The following N4BP2L1 variants were observed in gnomAD, a reference collection of about 807,000 sequenced individuals.
N4BP2L1 encodes the protein NEDD4 binding protein 2 like 1.
Under a neutral mutation model 21.2 loss-of-function variants are expected in N4BP2L1, and 12 were observed. That is an observed-to-expected ratio of 0.57 (90% CI 0.36 to 0.92). The LOEUF is 0.92. N4BP2L1 is among the 40% of genes least tolerant of loss of function. The pLI, the probability that N4BP2L1 is intolerant of heterozygous loss-of-function variation, is 0.01. For synonymous variants in N4BP2L1, 104 were observed against 112.8 expected, an observed-to-expected ratio of 0.92 and a Z score of 0.49; for missense variants, 259 against 310.6, an observed-to-expected ratio of 0.83 and a Z score of 1.25.
At chr13:32,404,250 T>G in intron 4 of N4BP2L1, 71 bp downstream of exon 4, 1 of 1,588,566 alleles carries the variant, frequency 6.3e-7, no homozygotes, top group Non-Finnish European at 8.6e-7. Context: ...CTGAAAAGAT[T>G]CTTTTGTTCG....
chr13:32,412,662 T>C (rs1167750851), intron 1 of N4BP2L1, among the ~76,000 whole-genome samples: 1 of 148,688 alleles, frequency 6.7e-6, no homozygotes, highest in Non-Finnish European at 1.5e-5. Flanking sequence ...AAAAAAAAGA[T>C]AAACTCCATA....
At chr13:32,428,149 G>T (rs541829348), upstream of N4BP2L1, 159 of 1,369,734 alleles carry the variant, frequency 1.2e-4, 1 homozygote, top group South Asian at 2.8e-3. Flanking sequence ...GGCCAAAGCT[G>T]TTGTTTTTGT....
Position 32,401,499 on chromosome 13 carries a change from T to C in N4BP2L1, c.*1443A>G, listed in dbSNP as rs906554162. ...GTAGTCATGGAGATGTCGAGCAGGTTTCAGTAGTGTCAGATAACGTTAAAA... is the reference window on the plus strand; with the variant it reads ...GTAGTCATGGAGATGTCGAGCAGGTCTCAGTAGTGTCAGATAACGTTAAAA... On this transcript the variant is annotated 3_prime_UTR_variant, in exon 5 of 5. Coordinates refer to ENST00000380130, the MANE Select transcript of N4BP2L1 (RefSeq NM_052818.3). 1.3e-5 allele frequency: 2 copies of C among 152,144 alleles called. No homozygotes were observed. The highest frequency in any genetic ancestry group is 4.8e-5 in the African/African-American group (2 of 41,430). 9.4% of individuals were successfully genotyped at this position (152,144 alleles called of 1,614,324 possible). A position where few individuals can be genotyped will look rare whatever the true frequency, so the allele number is the denominator to read the frequency against.
rs548617623 is a variant in N4BP2L1, at chr13:32,426,712, C to A, written c.179+1192G>T. Among the ~76,000 whole-genome samples, 15 of 152,214 alleles carry A rather than the reference C, an allele frequency of 9.9e-5. No homozygotes were observed. The East Asian group carries it at 1.7e-3, about 18-fold the overall frequency. ...TTATCTCTCCAGTGAGACGGGAAGC[C>A]CTTTGAGGGAAAGGGACCACTTCCT... On this transcript the variant is annotated intron_variant, in intron 1 of 4. Transcript: ENST00000380130.
At chr13:32,410,313 C>T (rs891115519) in intron 1 of N4BP2L1, among the ~76,000 whole-genome samples, 22 of 152,352 alleles carry the variant, frequency 1.4e-4, no homozygotes, top group Middle Eastern at 6.8e-3. Context: ...GGTCTCTTCA[C>T]AGACCGCGGT....
Position 32,403,112 on chromosome 13 carries a change from C to T in N4BP2L1, c.562G>A (p.Ala188Thr). The change falls in exon 5 of 5, where the codon GCA (alanine) becomes ACA (threonine). Residue 188 changes from alanine (A) to threonine (T), a missense_variant. Physicochemically the swap from Ala to Thr is moderately conservative, Grantham distance 58. Around this residue, in one of 3 missense-constraint regions of N4BP2L1, gnomAD observed 108 missense variants for 107.8 expected, o/e 1.00. Coordinates refer to ENST00000380130, the MANE Select transcript of N4BP2L1 (RefSeq NM_052818.3). Reference sequence around the variant, plus strand: ...CTGTTCATTCTGCTTGGCTTTTCTGCATGAAGCACACTGTGAAAAGTAACA... The same window carrying T: ...CTGTTCATTCTGCTTGGCTTTTCTGTATGAAGCACACTGTGAAAAGTAACA... ...HDVTFHSVLH[A>T]EKPSRMNRNQ... 2 of 1,614,106 alleles carry T rather than the reference C, an allele frequency of 1.2e-6. No homozygotes were observed. Among genetic ancestry groups the T allele is most frequent in the South Asian group, 2.2e-5 (2 of 91,080 alleles).
intron 1 of N4BP2L1, among the ~76,000 whole-genome samples, chr13:32,413,332 C>A (rs1027645608): frequency 6.6e-6 from 1 of 152,180 alleles, no homozygotes; most frequent in Admixed American, 6.5e-5. Flanking sequence ...TGGTTAACGT[C>A]TTTGAATCTA....
At chr13:32,416,328 C>A (rs749378177) in intron 1 of N4BP2L1, among the ~76,000 whole-genome samples, 1 of 152,200 alleles carries the variant, frequency 6.6e-6, no homozygotes, top group African/African-American at 2.4e-5. Context: ...TTAGGGCCAA[C>A]GAGTGGTACA....
At chr13:32,403,251 A>G (rs1237687582) in intron 4 of N4BP2L1, 51 bp from the exon 5 acceptor site, 1 of 1,529,224 alleles carries the variant, frequency 6.5e-7, no homozygotes. Context: ...ACAATGAGTT[A>G]CTTATATTTT....
intron 1 of N4BP2L1, among the ~76,000 whole-genome samples, chr13:32,418,760 T>A (rs1422773173): frequency 6.6e-6 from 1 of 152,180 alleles, no homozygotes; most frequent in African/African-American, 2.4e-5. Context: ...ATATGAGACA[T>A]GGAGTCAAAG....
chr13:32,419,163 C>T lies in N4BP2L1; in HGVS notation c.179+8741G>A, dbSNP rs540761000. 1.6e-4 allele frequency among the ~76,000 whole-genome samples: 24 copies of T among 151,950 alleles called. No individual in the cohort carries two copies. In the South Asian group the frequency reaches 3.3e-3, roughly 21 times the overall value. On this transcript the variant is annotated intron_variant, in intron 1 of 4. Transcript: ENST00000380130. ...ATCCCCACGTCATGGGAATTACCTC[C>T]GATGGGAGGTAACTGAATCATGGGA...
At chr13:32,409,033 T>G (rs1191015256) in intron 1 of N4BP2L1, among the ~76,000 whole-genome samples, 2 of 152,174 alleles carry the variant, frequency 1.3e-5, no homozygotes, top group Non-Finnish European at 2.9e-5. Flanking sequence ...TTGTACCCAG[T>G]AAGGCACTTT....
Position 32,402,508 on chromosome 13 carries a change from T to A in N4BP2L1, c.*434A>T, listed in dbSNP as rs61946985. 1.2e-6 allele frequency: 1 copy of A among 857,018 alleles called. No individual in the cohort carries two copies. The highest frequency in any genetic ancestry group is 1.3e-6 in the Non-Finnish European group (1 of 766,152). 53.1% of individuals were successfully genotyped at this position (857,018 alleles called of 1,614,324 possible). ...TATCAAAGTAGCAATGGCACTTTGA[T>A]AAGTAGCAATGCCCCCCCACCACTT... On this transcript the variant is annotated 3_prime_UTR_variant, in exon 5 of 5. Transcript: ENST00000380130.
In N4BP2L1 at chr13:32,401,399, A is replaced by G. The variant is rs983419073; in HGVS notation, c.*1543T>C. 3 of 152,184 alleles carry G rather than the reference A, an allele frequency of 2.0e-5. No homozygotes were observed. Among genetic ancestry groups the G allele is most frequent in the Admixed American group, 6.5e-5 (1 of 15,280 alleles). 9.4% of individuals were successfully genotyped at this position (152,184 alleles called of 1,614,324 possible). A position where few individuals can be genotyped will look rare whatever the true frequency, so the allele number is the denominator to read the frequency against. On this transcript the variant is annotated 3_prime_UTR_variant, in exon 5 of 5. Coordinates refer to ENST00000380130, the MANE Select transcript of N4BP2L1 (RefSeq NM_052818.3). Reference sequence around the variant, plus strand: ...CACCTTAGATTCATTGGGATTTACTATTGTCAGCCAAACTTACTCAAAGGA... The same window carrying G: ...CACCTTAGATTCATTGGGATTTACTGTTGTCAGCCAAACTTACTCAAAGGA...
chr13:32,404,131 A>G (rs2073324008), intron 4 of N4BP2L1, 190 bp downstream of exon 4: 4 of 1,595,938 alleles, frequency 2.5e-6, no homozygotes, highest in Admixed American at 1.7e-5. Context: ...ATTTAGCATT[A>G]TATTAGAAAA....
intron 1 of N4BP2L1, among the ~76,000 whole-genome samples, chr13:32,426,622 C>A (rs974881570): frequency 6.6e-6 from 1 of 152,202 alleles, no homozygotes; most frequent in Non-Finnish European, 1.5e-5. Context: ...TCGGCACCAT[C>A]GAAATCCGCA....
chr13:32,421,896 C>T (rs1303721885), intron 1 of N4BP2L1, among the ~76,000 whole-genome samples: 2 of 152,052 alleles, frequency 1.3e-5, no homozygotes, highest in Non-Finnish European at 2.9e-5. Context: ...ACTGAGTGGC[C>T]ATAGGCGGGT....
intron 1 of N4BP2L1, among the ~76,000 whole-genome samples, chr13:32,423,699 T>C (rs748268864): frequency 3.3e-4 from 50 of 152,154 alleles, no homozygotes; most frequent in Non-Finnish European, 6.2e-4. Flanking sequence ...AAATACCATA[T>C]GATCCACTTA....
At chr13:32,424,843 C>T (rs2074675811) in intron 1 of N4BP2L1, 1 of 152,116 alleles carries the variant, frequency 6.6e-6, no homozygotes, top group South Asian at 2.1e-4. Flanking sequence ...GATGTTTTTC[C>T]ACATTCCATC....
Sources: allele counts gnomAD v4.1 joint callset (sites outside exome capture counted in the v4.1 genomes callset), GRCh38; gene constraint gnomAD v4.1.1; regional missense constraint gnomAD v4.1.1; transcripts MANE v1.5; gene names NCBI Gene and HGNC (gene_info 2026-07-23, HGNC 2026-07-21).